The following CDH12 variants were observed in gnomAD, a reference collection of about 807,000 sequenced individuals.
CDH12 encodes the protein cadherin 12.
CDH12 carries 41 observed loss-of-function variants against 74.1 expected under a neutral mutation model. The observed-to-expected ratio is 0.55, with a 90% CI of 0.43 to 0.72. The LOEUF (loss-of-function observed/expected upper bound fraction) is 0.72, where lower values mean the gene tolerates loss of function less well. Among genes scored for constraint, CDH12 ranks in the 30% least tolerant of loss-of-function variants. The pLI is 0.00. For synonymous variants in CDH12, 399 were observed against 355.0 expected (o/e 1.12, Z -1.39); for missense variants, 945 against 977.2 (o/e 0.97, Z 0.44).
intron 5 of CDH12, among the ~76,000 whole-genome samples, chr5:22,059,612 A>G (rs1035048649): frequency 3.3e-5 from 5 of 152,126 alleles, no homozygotes; most frequent in Non-Finnish European, 7.4e-5. Flanking sequence ...ATATCATTGC[A>G]CAATTTTAAT....
intron 2 of CDH12, among the ~76,000 whole-genome samples, chr5:22,420,472 T>A (rs1475516114): frequency 1.3e-5 from 2 of 152,084 alleles, no homozygotes; most frequent in Non-Finnish European, 2.9e-5. Flanking sequence ...TGTCAAAGAC[T>A]GGATGATTAT....
At chr5:22,192,885 A>T (rs959127948) in intron 4 of CDH12, among the ~76,000 whole-genome samples, 11 of 152,242 alleles carry the variant, frequency 7.2e-5, no homozygotes, top group Admixed American at 3.3e-4. Flanking sequence ...GGCTGAGTCC[A>T]GGCAAGAATT....
intron 6 of CDH12, among the ~76,000 whole-genome samples, chr5:21,970,930 T>C (rs2150119183): frequency 6.7e-6 from 1 of 148,280 alleles, no homozygotes; most frequent in South Asian, 2.2e-4. Context: ...ACCAAAAATT[T>C]CATCTTAGCA....
chr5:22,237,827 C>T (rs1223684566), intron 3 of CDH12, among the ~76,000 whole-genome samples: 1 of 152,102 alleles, frequency 6.6e-6, no homozygotes, highest in East Asian at 1.9e-4. Context: ...CACCACGAGG[C>T]CTTGTTAATA....
chr5:22,597,225 C>T (rs1736646126), intron 1 of CDH12, among the ~76,000 whole-genome samples: 1 of 152,158 alleles, frequency 6.6e-6, no homozygotes, highest in Non-Finnish European at 1.5e-5. Flanking sequence ...CATTATATTA[C>T]ATATTTCCAC....
In CDH12 at chr5:21,929,711, G is replaced by T. The variant is rs191364368; in HGVS notation, c.526+45380C>A. On this transcript the variant is annotated intron_variant, in intron 6 of 14. Coordinates refer to ENST00000382254, the MANE Select transcript of CDH12 (RefSeq NM_004061.5). ...TTTTGTATTTTTTTGTAGAGGCGGG[G>T]TTCACCATGTTGCCCAGGCTGGTCT... Among the ~76,000 whole-genome samples, 1,175 of 152,024 alleles carry T rather than the reference G, an allele frequency of 7.7e-3. 17 individuals carry two copies. The highest frequency in any genetic ancestry group is 0.027 in the African/African-American group (1,114 of 41,458).
At chr5:21,942,906 T>A (rs1368420416) in intron 6 of CDH12, among the ~76,000 whole-genome samples, 2 of 152,204 alleles carry the variant, frequency 1.3e-5, no homozygotes, top group African/African-American at 4.8e-5. Context: ...GGCTCTGTGC[T>A]GTCACCCAAA....
At chr5:22,048,619 T>G (rs115900102) in intron 5 of CDH12, among the ~76,000 whole-genome samples, 1 of 151,840 alleles carries the variant, frequency 6.6e-6, no homozygotes, top group Non-Finnish European at 1.5e-5. Context: ...TGCTAAAATA[T>G]GGAAAAATAA....
intron 1 of CDH12, among the ~76,000 whole-genome samples, chr5:22,651,106 G>GC (rs79218611): frequency 0.07 from 10,691 of 151,812 alleles, 910 homozygotes; most frequent in East Asian, 0.43. Flanking sequence ...TCATCAAGAG[G>GC]CCCCATATCC....
In CDH12 at chr5:22,544,518, A is replaced by C. The variant is rs76281551; in HGVS notation, c.-522-39154T>G. ...CCATCTTAGAGTGAGTAGCAGGTAT[A>C]TTAAAAATGCTCTGTTGCCAGGCAT... On this transcript the variant is annotated intron_variant, in intron 1 of 14. Transcript: ENST00000382254. 2.7e-3 allele frequency among the ~76,000 whole-genome samples: 415 copies of C among 152,254 alleles called. 2 individuals carry two copies. The highest frequency in any genetic ancestry group is 0.024 in the Middle Eastern group (7 of 294).
intron 1 of CDH12, among the ~76,000 whole-genome samples, chr5:22,576,847 T>C (rs966362402): frequency 2.6e-5 from 4 of 152,126 alleles, no homozygotes; most frequent in Non-Finnish European, 4.4e-5. Context: ...AAGGGAAAGA[T>C]GTTTTTCAAT....
chr5:22,545,119 T>C (rs1359418583), intron 1 of CDH12, among the ~76,000 whole-genome samples: 1 of 152,220 alleles, frequency 6.6e-6, no homozygotes, highest in Non-Finnish European at 1.5e-5. Flanking sequence ...TGGATATTTG[T>C]GCAGAGAAGG....
At chr5:22,175,084 C>T (rs1215249813) in intron 4 of CDH12, among the ~76,000 whole-genome samples, 1 of 151,838 alleles carries the variant, frequency 6.6e-6, no homozygotes, top group African/African-American at 2.4e-5. Context: ...AATTATTTAG[C>T]ACATACAAAA....
At chr5:22,715,291 GATTATA>G (rs1743514811) in intron 1 of CDH12, among the ~76,000 whole-genome samples, 1 of 152,136 alleles carries the variant, frequency 6.6e-6, no homozygotes, top group African/African-American at 2.4e-5. Context: ...TATTTTAATG[GATTATA>G]ATTTGATATT....
intron 3 of CDH12, among the ~76,000 whole-genome samples, chr5:22,257,877 C>T (rs942968587): frequency 1.3e-5 from 2 of 151,900 alleles, no homozygotes; most frequent in African/African-American, 4.8e-5. Context: ...ACAAGCTTAG[C>T]GTTCCAATAG....
chr5:22,710,022 A>T (rs2126972520), intron 1 of CDH12, among the ~76,000 whole-genome samples: 1 of 152,276 alleles, frequency 6.6e-6, no homozygotes, highest in South Asian at 2.1e-4. Context: ...CAACAAAATA[A>T]AGGTAGCTCA....
intron 1 of CDH12, among the ~76,000 whole-genome samples, chr5:22,766,757 A>T (rs987560847): frequency 6.6e-6 from 1 of 152,140 alleles, no homozygotes; most frequent in Non-Finnish European, 1.5e-5. Context: ...TAAACATTAT[A>T]GTACCAATTA....
intron 4 of CDH12, among the ~76,000 whole-genome samples, chr5:22,185,105 T>G (rs1164223886): frequency 6.6e-6 from 1 of 152,156 alleles, no homozygotes. Context: ...GATGTGTGCT[T>G]ATAAATCTTC....
intron 1 of CDH12, among the ~76,000 whole-genome samples, chr5:22,660,042 G>A (rs1740264882): frequency 6.6e-6 from 1 of 152,030 alleles, no homozygotes; most frequent in Non-Finnish European, 1.5e-5. Context: ...CATTGGAGTT[G>A]AATGCATTCA....
Sources: gnomAD v4.1 joint callset for allele counts (sites outside exome capture counted in the v4.1 genomes callset) on GRCh38, gnomAD v4.1.1 for gene constraint, MANE v1.5 for transcripts, NCBI Gene and HGNC (gene_info 2026-07-23, HGNC 2026-07-21) for gene names.